MAST2: variants seen among roughly 807,000 people sequenced by gnomAD.
The protein encoded by MAST2 is microtubule associated serine/threonine kinase 2, also known as microtubule-associated serine/threonine-protein kinase 2.
Under a neutral mutation model 147.4 loss-of-function variants are expected in MAST2, and 70 were observed. The ratio of observed to expected loss-of-function variants is 0.47; its 90% CI spans 0.39 to 0.58. MAST2 has a LOEUF of 0.58. Among genes scored for constraint, MAST2 ranks in the 20% least tolerant of loss-of-function variants. The probability of loss-of-function intolerance (pLI) is 0.00; values close to 1 mark genes in which losing one functional copy is unlikely to be tolerated. For synonymous variants in MAST2, 869 were observed against 896.8 expected, an observed-to-expected ratio of 0.97 and a Z score of 0.55; for missense variants, 2,080 against 2,302.3, an observed-to-expected ratio of 0.90 and a Z score of 1.98.
intron 5 of MAST2, among the ~76,000 whole-genome samples, chr1:45,986,799 A>G (rs1644643096): frequency 1.3e-5 from 2 of 151,692 alleles, no homozygotes; most frequent in Non-Finnish European, 2.9e-5. Context: ...AAATTTTAAT[A>G]TGTATGCATC....
chr1:46,018,379 A>C (rs1429712284), intron 10 of MAST2, among the ~76,000 whole-genome samples: 1 of 152,050 alleles, frequency 6.6e-6, no homozygotes, highest in Non-Finnish European at 1.5e-5. Context: ...CTCCACTTTG[A>C]CTTCCCTATA....
chr1:45,803,856 A>C lies in MAST2; in HGVS notation c.-40A>C. 3.8e-6 allele frequency: 2 copies of C among 520,138 alleles called. No individual in the cohort carries two copies. The highest frequency in any genetic ancestry group is 6.0e-6 in the Non-Finnish European group (2 of 331,818). The allele number at this position is 520,138 out of a possible 1,614,324, so 32.2% of individuals were successfully genotyped here. On this transcript the variant is annotated 5_prime_UTR_variant, in exon 1 of 29. Coordinates refer to ENST00000361297, the MANE Select transcript of MAST2 (RefSeq NM_015112.3). ...CGGCCCGGGGCAGTGCGGAGCCGGG[A>C]CAGTCGCGGCGCTGACGCCCGCGGG... is the stretch of plus-strand genomic sequence containing the variant.
Position 46,031,349 on chromosome 1 carries a change from C to T in MAST2, c.2993-42C>T, listed in dbSNP as rs56123996. On this transcript the variant is annotated intron_variant, in intron 23 of 28. Coordinates refer to ENST00000361297, the MANE Select transcript of MAST2 (RefSeq NM_015112.3). The surrounding 1 kb of genome is among the most constrained non-coding windows in gnomAD (Gnocchi z 4.1). ...TGGAGGATACTGCAGGGCAGGGAGG[C>T]TCAGCGGCATCGCGGGTCTCACTGC... 6.3e-7 allele frequency: 1 copy of T among 1,580,806 alleles called. No individual in the cohort carries two copies. The highest frequency in any genetic ancestry group is 8.6e-7 in the Non-Finnish European group (1 of 1,159,894).
intron 4 of MAST2, among the ~76,000 whole-genome samples, chr1:45,890,522 C>A (rs1429837217): frequency 2.6e-5 from 4 of 152,114 alleles, no homozygotes; most frequent in Non-Finnish European, 2.9e-5. Flanking sequence ...TTCCTTCTCC[C>A]TCCTTCCTTA....
chr1:45,914,225 GGA>G (rs1652111300), intron 4 of MAST2, among the ~76,000 whole-genome samples: 2 of 152,146 alleles, frequency 1.3e-5, no homozygotes, highest in African/African-American at 4.8e-5. Context: ...AGAAACCAAT[GGA>G]AACAAAAAGT....
chr1:46,036,103 A>T lies in MAST2; in HGVS notation c.*37A>T. ...CATTTCTTGCACTCAGACCTGTGTA[A>T]TATATGCTCCTGGAAACCATCTTTA... On this transcript the variant is annotated 3_prime_UTR_variant, in exon 29 of 29. Transcript: ENST00000361297. 6.5e-7 allele frequency: 1 copy of T among 1,536,506 alleles called. No homozygotes were observed. The highest frequency in any genetic ancestry group is 2.3e-5 in the East Asian group (1 of 44,274).
chr1:46,031,062 C>CCT lies in MAST2; in HGVS notation c.2766_2767dup (p.Pro923LeufsTer3). 4 of 1,613,784 alleles carry CCT rather than the reference C, an allele frequency of 2.5e-6. No individual in the cohort carries two copies. Among genetic ancestry groups the CCT allele is most frequent in the Non-Finnish European group, 3.4e-6 (4 of 1,179,804 alleles). On this transcript the variant is annotated frameshift_variant, in exon 23 of 29. Transcript: ENST00000361297. LOFTEE classifies it high-confidence loss of function. This position sits in a 1 kb window ranked among gnomAD's most constrained non-coding sequence, Gnocchi z 4.1. ...ATCCCACACAGAGAGTGACTCAAGC[C>CCT]CTCCAATGACAGTGCGACGCCGCTG...
At chr1:45,816,868 G>A (rs1644471362) in intron 1 of MAST2, among the ~76,000 whole-genome samples, 1 of 151,932 alleles carries the variant, frequency 6.6e-6, no homozygotes, top group Admixed American at 6.6e-5. Context: ...TAGTAGAGAC[G>A]GGGTTTCACC....
chr1:45,927,431 CA>C (rs1411240022), intron 4 of MAST2, among the ~76,000 whole-genome samples: 15 of 152,270 alleles, frequency 9.9e-5, no homozygotes, highest in African/African-American at 3.4e-4. Flanking sequence ...AGGCCACGCC[CA>C]GGGGGGCTGT....
chr1:45,939,604 G>A (rs189905539), intron 4 of MAST2, among the ~76,000 whole-genome samples: 16 of 151,576 alleles, frequency 1.1e-4, no homozygotes, highest in East Asian at 9.8e-4. Context: ...GCAATAGCGC[G>A]ATCTCAGCTC....
At chr1:45,822,223 G>A (rs1458549242) in intron 1 of MAST2, among the ~76,000 whole-genome samples, 1 of 152,008 alleles carries the variant, frequency 6.6e-6, no homozygotes, top group East Asian at 1.9e-4. Context: ...CTGCTTAGTG[G>A]GTCTGTTCAA....
At chr1:45,897,305 T>A (rs1278910998) in intron 4 of MAST2, among the ~76,000 whole-genome samples, 1 of 152,198 alleles carries the variant, frequency 6.6e-6, no homozygotes, top group African/African-American at 2.4e-5. Flanking sequence ...CATTCACTGT[T>A]AGTCCCACTT....
intron 10 of MAST2, among the ~76,000 whole-genome samples, chr1:46,019,368 T>A (rs1436089209): frequency 8.5e-5 from 13 of 152,142 alleles, no homozygotes. Flanking sequence ...TACAGCTGTA[T>A]GTCTGTGTGG....
chr1:45,868,368 G>A (rs1052652248), intron 3 of MAST2, among the ~76,000 whole-genome samples: 7 of 152,164 alleles, frequency 4.6e-5, no homozygotes, highest in African/African-American at 1.7e-4. Context: ...CTCTCTTAGT[G>A]CCATAATTTC....
chr1:45,811,848 A>G (rs1020591081), intron 1 of MAST2, among the ~76,000 whole-genome samples: 1 of 151,356 alleles, frequency 6.6e-6, no homozygotes, highest in Non-Finnish European at 1.5e-5. Flanking sequence ...GTTAGCCAGG[A>G]TGGTCTTGAT....
intron 3 of MAST2, among the ~76,000 whole-genome samples, chr1:45,834,078 A>G (rs1430603231): frequency 6.6e-6 from 1 of 152,118 alleles, no homozygotes; most frequent in African/African-American, 2.4e-5. Context: ...CATTTCTGAA[A>G]AATCTTAACT....
At chr1:45,957,922 T>C (rs540369501) in intron 4 of MAST2, among the ~76,000 whole-genome samples, 2 of 152,300 alleles carry the variant, frequency 1.3e-5, no homozygotes, top group Admixed American at 6.5e-5. Flanking sequence ...GCCAGGACTT[T>C]GGTGTCCTTG....
chr1:45,863,224 T>C (rs1646037130), intron 3 of MAST2, among the ~76,000 whole-genome samples: 1 of 152,224 alleles, frequency 6.6e-6, no homozygotes, highest in Non-Finnish European at 1.5e-5. Context: ...CACTCCTACT[T>C]CCTCTCTGCT....
At chr1:46,024,514 A>C (rs1415049534) in intron 15 of MAST2, 1 of 173,842 alleles carries the variant, frequency 5.8e-6, no homozygotes, top group African/African-American at 2.4e-5. Flanking sequence ...ACAGCCTCCA[A>C]AGATACTGTG....
Sources: allele counts gnomAD v4.1 joint callset (sites outside exome capture counted in the v4.1 genomes callset), GRCh38; gene constraint gnomAD v4.1.1; non-coding constraint Gnocchi (gnomAD v3.1); transcripts MANE v1.5; gene names NCBI Gene and HGNC (gene_info 2026-07-23, HGNC 2026-07-21).